Variants in SUGCT observed in about 807,000 individuals in gnomAD.
SUGCT encodes succinyl-CoA:glutarate CoA-transferase.
A neutral mutation model predicts 55.0 loss-of-function variants in SUGCT; 41 were observed. The ratio of observed to expected loss-of-function variants is 0.74; its 90% CI spans 0.58 to 0.97. The LOEUF is 0.97. Ranked by LOEUF, SUGCT falls within the 50% of genes least tolerant of loss-of-function variation. The probability of loss-of-function intolerance (pLI) is 0.00; values close to 1 mark genes in which losing one functional copy is unlikely to be tolerated. For missense variants in SUGCT, 568 were observed against 547.8 expected (o/e 1.04, Z -0.37); for synonymous variants, 187 against 200.4 (o/e 0.93, Z 0.56).
chr7:40,654,128 A>G (rs745478507), intron 12 of SUGCT, among the ~76,000 whole-genome samples: 8 of 152,214 alleles, frequency 5.3e-5, no homozygotes, highest in Non-Finnish European at 1.2e-4. Flanking sequence ...GCATTGATCC[A>G]ATTTTTAAAA....
At chr7:40,665,682 G>A (rs1334756070) in intron 12 of SUGCT, among the ~76,000 whole-genome samples, 1 of 151,642 alleles carries the variant, frequency 6.6e-6, no homozygotes, top group East Asian at 2.0e-4. Flanking sequence ...ATAGAGTGGG[G>A]ACCAAAACCA....
the SUGCT span, among the ~76,000 whole-genome samples, chr7:40,924,294 G>GTGTGTGTGTA: frequency 4.0e-5 from 6 of 151,798 alleles, no homozygotes; most frequent in African/African-American, 9.7e-5. Context: ...GTGTGTGTGT[G>GTGTGTGTGTA]TAGTGGCATG....
Position 40,251,936 on chromosome 7 carries a change from T to TA in SUGCT, c.576+14221dup, listed in dbSNP as rs879897770. On this transcript the variant is annotated intron_variant, in intron 7 of 13. Transcript: ENST00000335693. ...ACCAATTTGTATGACCTAGGAAAAA[T>TA]AAAAAAAAAAACAAAGAAATAAATA... 3.6e-3 allele frequency among the ~76,000 whole-genome samples: 508 copies of TA among 140,954 alleles called. 1 individual carries two copies. The highest frequency in any genetic ancestry group is 8.0e-3 in the African/African-American group (306 of 38,382). The allele number at this position is 140,954 out of a possible 152,430, so 92.5% of individuals were successfully genotyped here.
chr7:40,269,781 G>T (rs1424417811), intron 7 of SUGCT, among the ~76,000 whole-genome samples: 1 of 152,268 alleles, frequency 6.6e-6, no homozygotes, highest in Non-Finnish European at 1.5e-5. Flanking sequence ...TGTCTATTGA[G>T]ATCTTTTGCC....
At chr7:40,302,151 A>G (rs1026069914) in intron 8 of SUGCT, among the ~76,000 whole-genome samples, 3 of 152,194 alleles carry the variant, frequency 2.0e-5, no homozygotes, top group African/African-American at 7.2e-5. Context: ...AATGCTTTGC[A>G]TTAGACTGTA....
At chr7:40,266,234 G>C (rs1446536960) in intron 7 of SUGCT, among the ~76,000 whole-genome samples, 2 of 126,268 alleles carry the variant, frequency 1.6e-5, no homozygotes, top group Non-Finnish European at 3.1e-5. Flanking sequence ...GCCAAGGCTG[G>C]AGTGCAACGG....
chr7:40,467,204 GAA>G (rs762283927), intron 11 of SUGCT, among the ~76,000 whole-genome samples: 13 of 83,620 alleles, frequency 1.6e-4, no homozygotes, highest in Non-Finnish European at 1.8e-4. Context: ...CTAAGAAAAA[GAA>G]AAAAAAAAAA....
intron 6 of SUGCT, among the ~76,000 whole-genome samples, chr7:40,211,713 G>T (rs1009968004): frequency 3.3e-5 from 5 of 152,176 alleles, no homozygotes; most frequent in Admixed American, 6.5e-5. Flanking sequence ...GGCCCAGGTG[G>T]AATCTGGGCT....
chr7:40,729,177 A>G (rs1786764037), intron 12 of SUGCT, among the ~76,000 whole-genome samples: 2 of 152,212 alleles, frequency 1.3e-5, no homozygotes, highest in Admixed American at 6.5e-5. Context: ...AACCAAATTT[A>G]TTAGTGCTTG....
At chr7:40,932,768 T>G in the SUGCT span, among the ~76,000 whole-genome samples, 1 of 149,862 alleles carries the variant, frequency 6.7e-6, no homozygotes, top group African/African-American at 2.5e-5. Flanking sequence ...TTTTTTTTTT[T>G]GCTTTCCATT....
intron 12 of SUGCT, among the ~76,000 whole-genome samples, chr7:40,655,006 A>G (rs148082167): frequency 7.2e-5 from 11 of 152,338 alleles, no homozygotes; most frequent in African/African-American, 2.2e-4. Flanking sequence ...TGCCTTAACA[A>G]ATATAATTAT....
chr7:40,297,535 A>G (rs1204731394), intron 8 of SUGCT, among the ~76,000 whole-genome samples: 3 of 152,102 alleles, frequency 2.0e-5, no homozygotes, highest in Admixed American at 6.6e-5. Context: ...TGCAAATCTG[A>G]TCATTTTGAG....
chr7:40,356,592 C>T (rs905145755), intron 9 of SUGCT, among the ~76,000 whole-genome samples: 28 of 152,154 alleles, frequency 1.8e-4, no homozygotes, highest in African/African-American at 6.0e-4. Flanking sequence ...GTGAATAATA[C>T]GATGAATAAC....
At chr7:40,599,095 G>A (rs1048155124) in intron 12 of SUGCT, among the ~76,000 whole-genome samples, 3 of 152,202 alleles carry the variant, frequency 2.0e-5, no homozygotes, top group Admixed American at 6.5e-5. Context: ...GCCAACTTCC[G>A]ATGCCACGGG....
the SUGCT span, among the ~76,000 whole-genome samples, chr7:40,899,445 C>T: frequency 6.6e-6 from 1 of 152,210 alleles, no homozygotes; most frequent in Non-Finnish European, 1.5e-5. Flanking sequence ...CAGCCATTTA[C>T]CTCTGTGAAG....
At chr7:40,749,604 A>G (rs1386050657) in intron 13 of SUGCT, 107 bp downstream of exon 13, 4 of 853,420 alleles carry the variant, frequency 4.7e-6, no homozygotes, top group African/African-American at 1.7e-5. Flanking sequence ...CCAAGACATT[A>G]TCCAAATTTA....
chr7:40,718,444 C>T (rs899611240), intron 12 of SUGCT, among the ~76,000 whole-genome samples: 53 of 152,104 alleles, frequency 3.5e-4, no homozygotes, highest in Non-Finnish European at 2.2e-4. Flanking sequence ...TTACTGTTTC[C>T]ATAGGTAACA....
intron 8 of SUGCT, among the ~76,000 whole-genome samples, chr7:40,286,871 A>T (rs942065549): frequency 5.3e-5 from 8 of 152,080 alleles, no homozygotes; most frequent in African/African-American, 1.9e-4. Context: ...TTGGCAGGAC[A>T]TTGGGCCAAG....
At chr7:40,451,793 G>T (rs1397073316) in intron 10 of SUGCT, among the ~76,000 whole-genome samples, 1 of 152,074 alleles carries the variant, frequency 6.6e-6, no homozygotes, top group Non-Finnish European at 1.5e-5. Flanking sequence ...CTGATGCAAG[G>T]TTTTCTTCCC....
Sources: allele counts gnomAD v4.1 joint callset (sites outside exome capture counted in the v4.1 genomes callset), GRCh38; gene constraint gnomAD v4.1.1; transcripts MANE v1.5; gene names NCBI Gene and HGNC (gene_info 2026-07-23, HGNC 2026-07-21).